The following SBF1 variants were observed in gnomAD, a reference collection of about 807,000 sequenced individuals.
SBF1 encodes the protein myotubularin-related protein 5.
Under a neutral mutation model 215.8 loss-of-function variants are expected in SBF1, and 65 were observed. The ratio of observed to expected loss-of-function variants is 0.30; its 90% CI spans 0.25 to 0.37. The LOEUF is 0.37. SBF1 is among the 10% of genes least tolerant of loss of function. The pLI is 1.00. For missense variants in SBF1, 2,634 were observed against 2,667.8 expected (o/e 0.99, Z 0.28); for synonymous variants, 1,410 against 1,122.8 (o/e 1.26, Z -5.11).
chr22:50,459,693 G>A, intron 26 of SBF1, 27 bp from the exon 27 acceptor site: 1 of 1,572,784 alleles, frequency 6.4e-7, no homozygotes, highest in South Asian at 1.2e-5. Context: ...GCGTGAAGGT[G>A]GCTGGCGACC....
intron 28 of SBF1, among the ~76,000 whole-genome samples, chr22:50,458,821 A>G (rs1001726265): frequency 1.3e-5 from 2 of 152,176 alleles, no homozygotes; most frequent in Non-Finnish European, 2.9e-5. Context: ...CAGAGGCTCC[A>G]AAGACAGTCT....
chr22:50,458,446 G>A (rs1188515088), intron 28 of SBF1, among the ~76,000 whole-genome samples: 2 of 152,110 alleles, frequency 1.3e-5, no homozygotes, highest in Admixed American at 6.6e-5. Flanking sequence ...GGTCGGAGAC[G>A]CAAAAGGGAC....
At position 50,460,405 on chromosome 22, in the gene SBF1, G is replaced by T; in HGVS notation, c.3150C>A (p.Thr1050=). Residue 1050 remains threonine, a synonymous_variant, in exon 25 of 41, where the codon ACC becomes ACA. Coordinates refer to ENST00000380817, the MANE Select transcript of SBF1 (RefSeq NM_002972.4). ...VTKDKGPSLR[T]LSRNLVKNAK... is the part of the protein sequence containing the mutation. ...CGTTCTTGACCAGGTTCCGGGACAGGGTTCTGAGGCCCACGAGAGTCAGCA... is the reference window on the plus strand; with the variant it reads ...CGTTCTTGACCAGGTTCCGGGACAGTGTTCTGAGGCCCACGAGAGTCAGCA... The T allele has an allele frequency of 6.2e-7, 1 of 1,610,210 alleles. No individual in the cohort carries two copies. The highest frequency in any genetic ancestry group is 8.5e-7 in the Non-Finnish European group (1 of 1,177,662).
Position 50,459,500 on chromosome 22 carries a change from G to C in SBF1, c.3658C>G (p.Leu1220Val). 6.2e-7 allele frequency: 1 copy of C among 1,610,174 alleles called. No homozygotes were observed. The highest frequency in any genetic ancestry group is 8.5e-7 in the Non-Finnish European group (1 of 1,179,822). The change falls in exon 27 of 41, where the codon CTC becomes GTC. Residue 1220 changes from leucine (L) to valine (V), a missense_variant. By Grantham distance (32) the Leu-to-Val change is conservative (BLOSUM62 1). Coordinates refer to ENST00000380817, the MANE Select transcript of SBF1 (RefSeq NM_002972.4). ...GAAGGTGCGTTCTGGGCCTTGAAGA[G>C]GCCGACGACACCTTTGCCATGCAGG... ...GGLHGKGVVG[L>V]FKAQNAPSPG...
In SBF1 at chr22:50,461,606, C is replaced by A. The variant is rs866980656; in HGVS notation, c.2756G>T (p.Gly919Val). 1 of 1,611,880 alleles carries A rather than the reference C, an allele frequency of 6.2e-7. No individual in the cohort carries two copies. The highest frequency in any genetic ancestry group is 8.5e-7 in the Non-Finnish European group (1 of 1,179,752). Residue 919 changes from glycine (G) to valine (V), a missense_variant, in exon 22 of 41, where the codon GGA becomes GTA. Transcript: ENST00000380817. ...GCCCTCAGCTGGGAGCAATGCTGGTCCCCCAGCACTGCCCCCCGCGCCCTC... is the reference window on the plus strand; with the variant it reads ...GCCCTCAGCTGGGAGCAATGCTGGTACCCCAGCACTGCCCCCCGCGCCCTC... ...REEGAGGSAG[G>V]PALLPAEGAV...
intron 16 of SBF1, 99 bp downstream of exon 16, chr22:50,463,184 T>TC (rs971625462): frequency 2.3e-5 from 35 of 1,490,138 alleles, no homozygotes; most frequent in Admixed American, 1.1e-4. Flanking sequence ...CAGGAGTCTC[T>TC]TGCACCGTCT....
At chr22:50,467,954 C>A (rs368914899) in intron 2 of SBF1, 31 bp from the exon 3 acceptor site, 3 of 1,610,394 alleles carry the variant, frequency 1.9e-6, no homozygotes, top group Non-Finnish European at 2.5e-6. Context: ...TCAGCTCCTC[C>A]CCCTACACCT....
Position 50,448,646 on chromosome 22 carries a change from A to C in SBF1, c.5048T>G (p.Leu1683Arg), listed in dbSNP as rs2066928173. ...GCCCAACTCTGTCTCCAGCCTCTGCAGCTCCTGGGGGAAGAATTAATGGCA... is the reference window on the plus strand; with the variant it reads ...GCCCAACTCTGTCTCCAGCCTCTGCCGCTCCTGGGGGAAGAATTAATGGCA... Reference protein sequence around the residue: ...PDAISRLLEELQRLETELGQP... With the variant: ...PDAISRLLEERQRLETELGQP... Residue 1683 changes from leucine (L) to arginine (R), a missense_variant, in exon 37 of 41, where the codon CTG (leucine) becomes CGG (arginine). Transcript: ENST00000380817. 1.9e-6 allele frequency: 3 copies of C among 1,609,238 alleles called. No individual in the cohort carries two copies. In the African/African-American group the frequency reaches 4.0e-5, roughly 21 times the overall value.
chr22:50,446,992 GCGGGGA>G lies in SBF1; in HGVS notation c.*144_*149del, dbSNP rs913322509. Reference sequence around the variant, plus strand: ...GTTAGGGCCGGCCGGGCGGGGCGGGGCGGGGACGGGGGCTGTACACACAAGTGCTGG... The same window carrying G: ...GTTAGGGCCGGCCGGGCGGGGCGGGGCGGGGGCTGTACACACAAGTGCTGG... On this transcript the variant is annotated 3_prime_UTR_variant, in exon 41 of 41. Coordinates refer to ENST00000380817, the MANE Select transcript of SBF1 (RefSeq NM_002972.4). The G allele has an allele frequency of 4.4e-5, 33 of 756,454 alleles. No homozygotes were observed. The highest frequency in any genetic ancestry group is 7.0e-5 in the Non-Finnish European group (31 of 441,004). 46.9% of individuals were successfully genotyped at this position (756,454 alleles called of 1,614,324 possible).
Position 50,474,977 on chromosome 22 carries a change from G to A in SBF1, c.-137C>T, listed in dbSNP as rs758311918. The A allele has an allele frequency of 6.4e-5, 22 of 344,206 alleles. No homozygotes were observed. The highest frequency in any genetic ancestry group is 4.0e-4 in the African/African-American group (18 of 44,780). The allele number at this position is 344,206 out of a possible 1,614,324, so 21.3% of individuals were successfully genotyped here. A position where few individuals can be genotyped will look rare whatever the true frequency, so the allele number is the denominator to read the frequency against. On this transcript the variant is annotated 5_prime_UTR_variant, in exon 1 of 41. Coordinates refer to ENST00000380817, the MANE Select transcript of SBF1 (RefSeq NM_002972.4). Reference sequence around the variant, plus strand: ...CCCTGGTTCGCTCCGCGGCGGCGGCGGCGGCGGCGGCGGCGGCCCAGGTTC... The same window carrying A: ...CCCTGGTTCGCTCCGCGGCGGCGGCAGCGGCGGCGGCGGCGGCCCAGGTTC...
In SBF1 at chr22:50,454,794, C is replaced by T. The variant is rs563222357; in HGVS notation, c.4812+20G>A. ...CTGGGTCGGGCAGGAGCCGCCTACC[C>T]GACCCAGGCCCCAGCTTACCTCTGC... On this transcript the variant is annotated intron_variant, in intron 35 of 40. Coordinates refer to ENST00000380817, the MANE Select transcript of SBF1 (RefSeq NM_002972.4). 1.7e-5 allele frequency: 27 copies of T among 1,611,960 alleles called. No homozygotes were observed. The highest frequency in any genetic ancestry group is 4.5e-5 in the East Asian group (2 of 44,864).
In SBF1 at chr22:50,448,294, C is replaced by A; in HGVS notation, c.5302G>T (p.Ala1768Ser). The A allele has an allele frequency of 6.2e-7, 1 of 1,613,178 alleles. No individual in the cohort carries two copies. Among genetic ancestry groups the A allele is most frequent in the Non-Finnish European group, 8.5e-7 (1 of 1,180,008 alleles). The change falls in exon 38 of 41, where the codon GCT becomes TCT. Residue 1768 changes from alanine to serine, a missense_variant. Physicochemically the swap from Ala to Ser is moderately conservative, Grantham distance 99. Coordinates refer to ENST00000380817, the MANE Select transcript of SBF1 (RefSeq NM_002972.4). ...AGGGTGCTGGTGCTGCGGCGGGCAG[C>A]CTGACGGGAGCCGGATGTGGTTGAG... ...SGSTTSGSRQ[A>S]ARRSTSTLYS...
rs963346132 is a variant in SBF1, at chr22:50,446,979, CGGGCGGGGCG to C, written c.*153_*162del. 8 of 720,614 alleles carry C rather than the reference CGGGCGGGGCG, an allele frequency of 1.1e-5. No individual in the cohort carries two copies. Among genetic ancestry groups the C allele is most frequent in the Non-Finnish European group, 1.9e-5 (8 of 413,038 alleles). 44.6% of individuals were successfully genotyped at this position (720,614 alleles called of 1,614,324 possible). A position where few individuals can be genotyped will look rare whatever the true frequency, so the allele number is the denominator to read the frequency against. On this transcript the variant is annotated 3_prime_UTR_variant, in exon 41 of 41. Coordinates refer to ENST00000380817, the MANE Select transcript of SBF1 (RefSeq NM_002972.4). ...GACGCCAAAATAAGTTAGGGCCGGC[CGGGCGGGGCG>C]GGGCGGGGACGGGGGCTGTACACAC...
chr22:50,467,654 C>T lies in SBF1; in HGVS notation c.316G>A (p.Glu106Lys). The change falls in exon 4 of 41, where the codon GAA (glutamate) becomes AAA (lysine). Residue 106 changes from glutamate to lysine, a missense_variant. Physicochemically the swap from Glu to Lys is moderately conservative, Grantham distance 56 (BLOSUM62 1). Transcript: ENST00000380817. ...TRVEDATERE[E>K]EGDEGGQTHL... Reference sequence around the variant, plus strand: ...GTCTGGCCTCCCTCATCCCCCTCTTCCTCCCTCTCTGTGGCATCCTCCACG... The same window carrying T: ...GTCTGGCCTCCCTCATCCCCCTCTTTCTCCCTCTCTGTGGCATCCTCCACG... The T allele has an allele frequency of 6.2e-7, 1 of 1,613,832 alleles. No homozygotes were observed. Among genetic ancestry groups the T allele is most frequent in the Non-Finnish European group, 8.5e-7 (1 of 1,179,878 alleles).
intron 25 of SBF1, 52 bp downstream of exon 25, chr22:50,460,220 G>A: frequency 1.5e-5 from 24 of 1,602,112 alleles, no homozygotes; most frequent in Non-Finnish European, 2.0e-5. Flanking sequence ...GATCCTCCCT[G>A]GCCAATGTCA....
In SBF1 at chr22:50,454,649, G is replaced by T; in HGVS notation, c.4906C>A (p.Leu1636Met). 1 of 1,594,332 alleles carries T rather than the reference G, an allele frequency of 6.3e-7. No individual in the cohort carries two copies. The highest frequency in any genetic ancestry group is 8.5e-7 in the Non-Finnish European group (1 of 1,170,174). The stretch of plus-strand genomic sequence containing the variant: ...GGGGGTTCAGGGGGCCCCTGGGCCA[G>T]TTCCCAGTCATAGGGAGGGCCCTCG... ...LAEGPPYDWE[L>M]AQGPPEPPEE... Residue 1636 changes from leucine to methionine, a missense_variant, in exon 36 of 41, where the codon CTG (leucine) becomes ATG (methionine). Physicochemically the swap from Leu to Met is conservative, Grantham distance 15. Coordinates refer to ENST00000380817, the MANE Select transcript of SBF1 (RefSeq NM_002972.4).
chr22:50,449,309 C>G (rs927616864), intron 36 of SBF1, among the ~76,000 whole-genome samples: 1 of 151,852 alleles, frequency 6.6e-6, no homozygotes, highest in Non-Finnish European at 1.5e-5. Flanking sequence ...TTAGAACATA[C>G]AGTAAATTCA....
intron 1 of SBF1, among the ~76,000 whole-genome samples, chr22:50,470,499 G>A (rs550944684): frequency 6.6e-6 from 1 of 152,214 alleles, no homozygotes; most frequent in South Asian, 2.1e-4. Context: ...GGCCCAAGTG[G>A]GCCAGGCCAA....
intron 36 of SBF1, 96 bp downstream of exon 36, chr22:50,454,416 C>A: frequency 9.2e-7 from 1 of 1,081,734 alleles, no homozygotes; most frequent in Admixed American, 1.8e-5. Flanking sequence ...ACCGGACTTA[C>A]GTGCATGTAC....
Sources: gnomAD v4.1 joint callset for allele counts (sites outside exome capture counted in the v4.1 genomes callset) on GRCh38, gnomAD v4.1.1 for gene constraint, MANE v1.5 for transcripts, NCBI Gene and HGNC (gene_info 2026-07-23, HGNC 2026-07-21) for gene names.